BBOX1: variants seen among roughly 807,000 people sequenced by gnomAD.
BBOX1 encodes gamma-butyrobetaine hydroxylase 1.
In BBOX1, 35 loss-of-function variants were observed where a neutral mutation model predicts 41.6. The ratio of observed to expected loss-of-function variants is 0.84; its 90% CI spans 0.64 to 1.11. BBOX1 has a LOEUF of 1.11. Among genes scored for constraint, BBOX1 ranks in the 50% most tolerant of loss-of-function variants. The probability of loss-of-function intolerance (pLI) is 0.00; values close to 1 mark genes in which losing one functional copy is unlikely to be tolerated. For missense variants in BBOX1, 458 were observed against 460.6 expected (o/e 0.99, Z 0.05); for synonymous variants, 163 against 154.7 (o/e 1.05, Z -0.40).
At chr11:27,063,038 C>G (rs1300924240) in intron 4 of BBOX1, 2 of 152,090 alleles carry the variant, frequency 1.3e-5, no homozygotes, top group East Asian at 3.9e-4. Context: ...TCAGGGTAAC[C>G]GTAGCATGAC....
chr11:27,123,003 A>G (rs1859522173), intron 7 of BBOX1, among the ~76,000 whole-genome samples: 2 of 152,062 alleles, frequency 1.3e-5, no homozygotes, highest in African/African-American at 4.8e-5. Flanking sequence ...TTTCTTGCTA[A>G]CCTTCAATTT....
intron 4 of BBOX1, among the ~76,000 whole-genome samples, chr11:27,091,585 T>C (rs1858246255): frequency 6.6e-6 from 1 of 151,908 alleles, no homozygotes; most frequent in Non-Finnish European, 1.5e-5. Context: ...CAAAGTGACT[T>C]GGTTAATATT....
chr11:27,074,872 AG>A (rs1857584020), intron 4 of BBOX1, among the ~76,000 whole-genome samples: 1 of 152,214 alleles, frequency 6.6e-6, no homozygotes, highest in Non-Finnish European at 1.5e-5. Context: ...GGTCTTGGGC[AG>A]CTCTGCCTCT....
At position 27,087,457 on chromosome 11, in the gene BBOX1, T is replaced by C. The variant is rs567895058; in HGVS notation, c.335-5711T>C. Among the ~76,000 whole-genome samples, 9 of 152,210 alleles carry C rather than the reference T, an allele frequency of 5.9e-5. No homozygotes were observed. In the South Asian group the frequency reaches 1.7e-3, roughly 28 times the overall value. On this transcript the variant is annotated intron_variant, in intron 4 of 8. Coordinates refer to ENST00000263182, the MANE Select transcript of BBOX1 (RefSeq NM_003986.3). ...TTTTTAGCAATAAAGCATTTTTTAATTAAGGTATACATATTTTTCAGATGT... is the reference window on the plus strand; with the variant it reads ...TTTTTAGCAATAAAGCATTTTTTAACTAAGGTATACATATTTTTCAGATGT...
At chr11:27,090,721 G>A (rs1387019826) in intron 4 of BBOX1, among the ~76,000 whole-genome samples, 2 of 151,872 alleles carry the variant, frequency 1.3e-5, no homozygotes, top group Non-Finnish European at 2.9e-5. Context: ...TAGTAAGCCT[G>A]AGGGTACTTC....
intron 2 of BBOX1, chr11:27,047,384 T>G (rs1300102631): frequency 6.6e-6 from 1 of 152,172 alleles, no homozygotes; most frequent in Non-Finnish European, 1.5e-5. Context: ...AATTAATGTT[T>G]CTTGGCACAG....
intron 4 of BBOX1, among the ~76,000 whole-genome samples, chr11:27,075,992 C>T (rs991059862): frequency 5.9e-5 from 9 of 152,248 alleles, no homozygotes; most frequent in African/African-American, 2.2e-4. Context: ...CTGAAAGACA[C>T]TTCCCACCAG....
intron 5 of BBOX1, among the ~76,000 whole-genome samples, chr11:27,113,280 C>T (rs570852130): frequency 1.3e-5 from 2 of 151,826 alleles, no homozygotes; most frequent in Non-Finnish European, 2.9e-5. Context: ...TATCATTTGA[C>T]CCAGCAATGC....
At chr11:27,125,873 T>C in intron 8 of BBOX1, 53 bp downstream of exon 8, 1 of 1,559,486 alleles carries the variant, frequency 6.4e-7, no homozygotes, top group Non-Finnish European at 8.7e-7. Context: ...TCTTCAACCT[T>C]AACCACCTAG....
intron 5 of BBOX1, among the ~76,000 whole-genome samples, chr11:27,110,358 T>C (rs1278078151): frequency 6.6e-6 from 1 of 151,952 alleles, no homozygotes; most frequent in African/African-American, 2.4e-5. Context: ...CCATCACATG[T>C]AAAGCAAAAT....
intron 4 of BBOX1, among the ~76,000 whole-genome samples, chr11:27,083,765 A>G (rs1167374749): frequency 6.6e-6 from 1 of 152,104 alleles, no homozygotes; most frequent in Non-Finnish European, 1.5e-5. Flanking sequence ...AAGAGAAGTG[A>G]TCATATCTAT....
intron 4 of BBOX1, among the ~76,000 whole-genome samples, chr11:27,087,690 A>G (rs1835880867): frequency 6.6e-6 from 1 of 152,018 alleles, no homozygotes; most frequent in African/African-American, 2.4e-5. Flanking sequence ...AGAATTTGAA[A>G]ACTGGTTAGT....
At chr11:27,082,894 A>G (rs146085633) in intron 4 of BBOX1, among the ~76,000 whole-genome samples, 1 of 152,172 alleles carries the variant, frequency 6.6e-6, no homozygotes, top group Non-Finnish European at 1.5e-5. Flanking sequence ...CTATGTTAGT[A>G]TTAGTGTTTC....
chr11:27,084,016 G>C lies in BBOX1; in HGVS notation c.335-9152G>C, dbSNP rs148682528. Among the ~76,000 whole-genome samples, 929 of 152,166 alleles carry C rather than the reference G, an allele frequency of 6.1e-3. 9 individuals are homozygous for C. Among genetic ancestry groups the C allele is most frequent in the Non-Finnish European group, 8.1e-3 (554 of 67,998 alleles). The stretch of plus-strand genomic sequence containing the variant: ...ACATACATGTCAGCAGCTTCTTGTT[G>C]CAAGACTGCTAATCTCCCCTCTCTG... On this transcript the variant is annotated intron_variant, in intron 4 of 8. Coordinates refer to ENST00000263182, the MANE Select transcript of BBOX1 (RefSeq NM_003986.3).
chr11:27,066,259 G>T (rs1158674962), intron 4 of BBOX1, among the ~76,000 whole-genome samples: 1 of 151,954 alleles, frequency 6.6e-6, no homozygotes, highest in Non-Finnish European at 1.5e-5. Context: ...TGCAGCCCAG[G>T]AATAAGTTTT....
At chr11:27,077,322 C>T (rs1264941644) in intron 4 of BBOX1, among the ~76,000 whole-genome samples, 3 of 152,084 alleles carry the variant, frequency 2.0e-5, no homozygotes, top group East Asian at 1.9e-4. Flanking sequence ...GCTCCAGTGC[C>T]GGGTAGGATT....
intron 4 of BBOX1, among the ~76,000 whole-genome samples, chr11:27,061,839 A>G (rs775655504): frequency 6.6e-6 from 1 of 152,218 alleles, no homozygotes; most frequent in Non-Finnish European, 1.5e-5. Context: ...ATAAATTTCT[A>G]TTCAGTTGCA....
At chr11:27,115,708 C>T (rs192269912) in intron 6 of BBOX1, 151 bp downstream of exon 6, 58 of 529,996 alleles carry the variant, frequency 1.1e-4, no homozygotes, top group African/African-American at 9.9e-4. Flanking sequence ...AATCTCTGTA[C>T]CTAAATCCTA....
chr11:27,127,614 A>G lies in BBOX1; in HGVS notation c.*161A>G. On this transcript the variant is annotated 3_prime_UTR_variant, in exon 9 of 9. Transcript: ENST00000263182. ...TACTCTTTACTTTGTAATCATATAC[A>G]ATGTCAACTTTTTAGATGTTTCACC... The G allele has an allele frequency of 1.2e-6, 1 of 809,820 alleles. No individual in the cohort carries two copies. The highest frequency in any genetic ancestry group is 1.8e-6 in the Non-Finnish European group (1 of 545,850). 50.2% of individuals were successfully genotyped at this position (809,820 alleles called of 1,614,324 possible). A position where few individuals can be genotyped will look rare whatever the true frequency, so the allele number is the denominator to read the frequency against.
Sources: gnomAD v4.1 joint callset for allele counts (sites outside exome capture counted in the v4.1 genomes callset) on GRCh38, gnomAD v4.1.1 for gene constraint, MANE v1.5 for transcripts, NCBI Gene and HGNC (gene_info 2026-07-23, HGNC 2026-07-21) for gene names.